RAB27B: variants seen among roughly 807,000 people sequenced by gnomAD.
RAB27B encodes RAB27B, member RAS oncogene family.
Under a neutral mutation model 24.6 loss-of-function variants are expected in RAB27B, and 15 were observed. That is an observed-to-expected ratio of 0.61 (90% CI 0.41 to 0.94). The LOEUF (loss-of-function observed/expected upper bound fraction) is 0.94, where lower values mean the gene tolerates loss of function less well. RAB27B is among the 40% of genes least tolerant of loss of function. The pLI is 0.00. For synonymous variants in RAB27B, 105 were observed against 92.5 expected (o/e 1.14, Z -0.78); for missense variants, 261 against 266.8 (o/e 0.98, Z 0.15).
chr18:54,810,183 G>A (rs752825420), intron 2 of RAB27B, among the ~76,000 whole-genome samples: 50 of 152,030 alleles, frequency 3.3e-4, no homozygotes, highest in Non-Finnish European at 6.6e-4. Context: ...TCCTTTAAAG[G>A]GTATTTATGC....
chr18:54,769,235 C>T (rs1010202849), intron 2 of RAB27B, among the ~76,000 whole-genome samples: 2 of 152,154 alleles, frequency 1.3e-5, no homozygotes, highest in Admixed American at 1.3e-4. Flanking sequence ...AAGAAAGGAG[C>T]TACAGGCCCC....
upstream of RAB27B, among the ~76,000 whole-genome samples, chr18:54,826,626 T>A (rs1384803387): frequency 1.3e-5 from 2 of 151,914 alleles, no homozygotes; most frequent in East Asian, 3.9e-4. Flanking sequence ...GCAAGGAGAG[T>A]CATCAATAAA....
intron 2 of RAB27B, among the ~76,000 whole-genome samples, chr18:54,815,258 A>C (rs919043904): frequency 6.6e-6 from 1 of 152,222 alleles, no homozygotes; most frequent in Non-Finnish European, 1.5e-5. Context: ...TTGCAGGAGT[A>C]TGGTAACTAT....
chr18:54,869,191 G>A (rs1237378354), intron 1 of RAB27B, among the ~76,000 whole-genome samples: 1 of 152,206 alleles, frequency 6.6e-6, no homozygotes, highest in African/African-American at 2.4e-5. Context: ...TCCATTAGGA[G>A]TATCTGTCAA....
intron 1 of RAB27B, among the ~76,000 whole-genome samples, chr18:54,829,136 A>T (rs1044905042): frequency 6.6e-5 from 10 of 152,218 alleles, no homozygotes; most frequent in African/African-American, 2.2e-4. Context: ...TAAGACATTT[A>T]TATGCACTTC....
At chr18:54,802,126 T>G (rs1909631393) in intron 2 of RAB27B, among the ~76,000 whole-genome samples, 1 of 152,242 alleles carries the variant, frequency 6.6e-6, no homozygotes, top group South Asian at 2.1e-4. Flanking sequence ...ATCAAAGTTA[T>G]TCATGGTACA....
At chr18:54,795,548 G>T (rs955581697) in intron 2 of RAB27B, among the ~76,000 whole-genome samples, 2 of 152,152 alleles carry the variant, frequency 1.3e-5, no homozygotes, top group Non-Finnish European at 2.9e-5. Flanking sequence ...AGTAGAGAAT[G>T]GTTAGGAAGC....
chr18:54,772,637 A>G (rs1462460029), intron 2 of RAB27B, among the ~76,000 whole-genome samples: 2 of 152,234 alleles, frequency 1.3e-5, no homozygotes, highest in African/African-American at 4.8e-5. Flanking sequence ...GACAGTTAAA[A>G]TCCTTACTCC....
At chr18:54,728,508 A>C (rs1303672517) in intron 2 of RAB27B, among the ~76,000 whole-genome samples, 1 of 152,168 alleles carries the variant, frequency 6.6e-6, no homozygotes, top group African/African-American at 2.4e-5. Context: ...TGAAAACTAA[A>C]CAAATTCATC....
intron 2 of RAB27B, among the ~76,000 whole-genome samples, chr18:54,724,737 T>C (rs1319409078): frequency 6.6e-6 from 1 of 151,358 alleles, no homozygotes; most frequent in East Asian, 1.9e-4. Context: ...TACTACTGTA[T>C]TACTCAGTGA....
upstream of RAB27B, among the ~76,000 whole-genome samples, chr18:54,825,060 A>G (rs986257690): frequency 3.3e-5 from 5 of 152,188 alleles, no homozygotes; most frequent in African/African-American, 1.2e-4. Context: ...AAAATTTTTT[A>G]AAATCAAGCT....
chr18:54,859,107 G>A (rs1312415217), intron 1 of RAB27B, among the ~76,000 whole-genome samples: 1 of 152,158 alleles, frequency 6.6e-6, no homozygotes, highest in African/African-American at 2.4e-5. Flanking sequence ...ACTTTGCAGA[G>A]ATGAGATGTA....
chr18:54,833,745 G>A (rs184513321), intron 1 of RAB27B, among the ~76,000 whole-genome samples: 2 of 152,182 alleles, frequency 1.3e-5, no homozygotes, highest in African/African-American at 4.8e-5. Context: ...TGCTAGTCAG[G>A]TGAAGGGGTT....
At chr18:54,781,322 G>A (rs897503214) in intron 2 of RAB27B, among the ~76,000 whole-genome samples, 3 of 151,960 alleles carry the variant, frequency 2.0e-5, no homozygotes, top group African/African-American at 7.3e-5. Context: ...AGAATAGAGG[G>A]CAGTGGGTGA....
chr18:54,802,104 G>A (rs968178452), intron 2 of RAB27B, among the ~76,000 whole-genome samples: 4 of 152,214 alleles, frequency 2.6e-5, no homozygotes, highest in African/African-American at 9.7e-5. Context: ...AGGTGAAGGA[G>A]TAAAGTGAGG....
intron 2 of RAB27B, among the ~76,000 whole-genome samples, chr18:54,765,294 T>A (rs73960604): frequency 0.056 from 8,459 of 152,094 alleles, 296 homozygotes; most frequent in Admixed American, 0.085. Context: ...GCCCAGCCCC[T>A]CTCTGATCTT....
chr18:54,789,268 C>A (rs1338065472), intron 2 of RAB27B, among the ~76,000 whole-genome samples: 1 of 152,090 alleles, frequency 6.6e-6, no homozygotes, highest in Non-Finnish European at 1.5e-5. Flanking sequence ...TGTATTCATA[C>A]CATTGGCTTT....
intron 2 of RAB27B, among the ~76,000 whole-genome samples, chr18:54,758,397 A>G (rs1025601164): frequency 6.6e-6 from 1 of 152,226 alleles, no homozygotes; most frequent in Non-Finnish European, 1.5e-5. Context: ...GACAGTCTCA[A>G]TTAAAGAGAT....
intron 2 of RAB27B, among the ~76,000 whole-genome samples, chr18:54,821,774 A>G (rs1910318283): frequency 6.6e-6 from 1 of 152,212 alleles, no homozygotes; most frequent in Admixed American, 6.5e-5. Flanking sequence ...TTTTTTTGAG[A>G]TGGCGTTTCA....
Sources: allele counts gnomAD v4.1 joint callset (sites outside exome capture counted in the v4.1 genomes callset), GRCh38; gene constraint gnomAD v4.1.1; transcripts MANE v1.5; gene names NCBI Gene and HGNC (gene_info 2026-07-23, HGNC 2026-07-21).